The following PPP4R3A variants were observed in gnomAD, a reference collection of about 807,000 sequenced individuals.
PPP4R3A encodes protein phosphatase 4 regulatory subunit 3A, also known as serine/threonine-protein phosphatase 4 regulatory subunit 3A.
A neutral mutation model predicts 91.7 loss-of-function variants in PPP4R3A; 15 were observed. The ratio of observed to expected loss-of-function variants is 0.16; its 90% CI spans 0.11 to 0.25. The LOEUF (loss-of-function observed/expected upper bound fraction) is 0.25. Ranked by LOEUF, PPP4R3A falls within the 10% of genes least tolerant of loss-of-function variation. The pLI is 1.00. For synonymous variants in PPP4R3A, 377 were observed against 348.7 expected, an observed-to-expected ratio of 1.08 and a Z score of -0.91; for missense variants, 623 against 998.4, an observed-to-expected ratio of 0.62 and a Z score of 5.07.
rs543346950 is a variant in PPP4R3A, at chr14:91,479,388, G to A, written c.915+2188C>T. On this transcript the variant is annotated intron_variant, in intron 4 of 14. Coordinates refer to ENST00000554943, the MANE Select transcript of PPP4R3A (RefSeq NM_001366432.2). ...CACAAACTTATTTTTTTGTTGTTGA[G>A]ATAGGGTCTCACTCTGTTGCTCAGG... 5.3e-5 allele frequency among the ~76,000 whole-genome samples: 8 copies of A among 150,838 alleles called. 1 individual carries two copies. Among genetic ancestry groups the A allele is most frequent in the African/African-American group, 1.2e-4 (5 of 40,946 alleles).
rs145292085 is a variant in PPP4R3A, at chr14:91,479,512, C to T, written c.915+2064G>A. Among the ~76,000 whole-genome samples, 514 of 151,030 alleles carry T rather than the reference C, an allele frequency of 3.4e-3. 5 individuals are homozygous for T. Among genetic ancestry groups the T allele is most frequent in the African/African-American group, 0.011 (468 of 41,058 alleles). ...CCTCCCACATGGCTGGGATTATAGGCATGCATCACCATACCTGGCTAATTT... is the reference window on the plus strand; with the variant it reads ...CCTCCCACATGGCTGGGATTATAGGTATGCATCACCATACCTGGCTAATTT... On this transcript the variant is annotated intron_variant, in intron 4 of 14. Transcript: ENST00000554943.
chr14:91,486,615 T>C (rs1013389524), intron 2 of PPP4R3A, among the ~76,000 whole-genome samples: 2 of 152,204 alleles, frequency 1.3e-5, no homozygotes, highest in Admixed American at 6.5e-5. Context: ...TTCTACAATA[T>C]GCATGGTATA....
At chr14:91,505,967 C>T (rs1160547024) in intron 1 of PPP4R3A, among the ~76,000 whole-genome samples, 1 of 149,302 alleles carries the variant, frequency 6.7e-6, no homozygotes, top group African/African-American at 2.5e-5. Context: ...TTTTTTGAGA[C>T]GGAGTCTCGC....
intron 1 of PPP4R3A, among the ~76,000 whole-genome samples, chr14:91,493,054 T>C (rs1890318227): frequency 6.6e-6 from 1 of 151,786 alleles, no homozygotes; most frequent in Non-Finnish European, 1.5e-5. Context: ...AGCAGGACCT[T>C]GCCTCTGCAA....
At chr14:91,469,024 T>C (rs1888669662) in intron 10 of PPP4R3A, among the ~76,000 whole-genome samples, 1 of 150,212 alleles carries the variant, frequency 6.7e-6, no homozygotes, top group Non-Finnish European at 1.5e-5. Flanking sequence ...AGATATAAGA[T>C]AGTAATCAAA....
rs532142435 is a variant in PPP4R3A at position 91,457,757 on chromosome 14, A to G, written c.*1002T>C. The G allele has an allele frequency of 1.3e-5, 2 of 152,770 alleles. No homozygotes were observed. The highest frequency in any genetic ancestry group is 1.3e-4 in the Admixed American group (2 of 15,308). 9.5% of individuals were successfully genotyped at this position (152,770 alleles called of 1,614,324 possible). A position where few individuals can be genotyped will look rare whatever the true frequency, so the allele number is the denominator to read the frequency against. On this transcript the variant is annotated 3_prime_UTR_variant, in exon 15 of 15. Transcript: ENST00000554943. Reference sequence around the variant, plus strand: ...TGGAATACTAATTTCATGTTTCTAGATTTAACAAAACTGTTGAAGTTTTAA... The same window carrying G: ...TGGAATACTAATTTCATGTTTCTAGGTTTAACAAAACTGTTGAAGTTTTAA...
In PPP4R3A at chr14:91,460,234, G is replaced by A. The variant is rs375317752; in HGVS notation, c.2391+1147C>T. ...TCACCGTATTAGCCAGGATGGTCTC[G>A]GATCTCCTGACCTCGTGACCCACCC... On this transcript the variant is annotated intron_variant, in intron 14 of 14. Transcript: ENST00000554943. Among the ~76,000 whole-genome samples, 37 of 152,046 alleles carry A rather than the reference G, an allele frequency of 2.4e-4. 1 individual carries two copies. The highest frequency in any genetic ancestry group is 1.2e-3 in the South Asian group (6 of 4,818).
intron 1 of PPP4R3A, among the ~76,000 whole-genome samples, chr14:91,497,341 TACACACACAC>T (rs10542688): frequency 0.47 from 69,176 of 148,352 alleles, 16,185 homozygotes; most frequent in Admixed American, 0.5. Context: ...ATCTTTTATT[TACACACACAC>T]ACACACACAC....
chr14:91,464,478 C>T (rs914810633), intron 11 of PPP4R3A, among the ~76,000 whole-genome samples: 5 of 152,064 alleles, frequency 3.3e-5, no homozygotes, highest in Admixed American at 6.5e-5. Context: ...TAAAAAAGCA[C>T]GACATCCAGG....
chr14:91,485,143 A>C (rs904865789), intron 3 of PPP4R3A, among the ~76,000 whole-genome samples: 6 of 152,032 alleles, frequency 3.9e-5, no homozygotes, highest in Admixed American at 2.0e-4. Context: ...AAGATCAGTC[A>C]AGACAAAACC....
intron 1 of PPP4R3A, among the ~76,000 whole-genome samples, chr14:91,498,417 C>A (rs145653747): frequency 3.4e-4 from 51 of 151,966 alleles, no homozygotes; most frequent in Middle Eastern, 3.4e-3. Context: ...TGTTAACATG[C>A]TAAGTTAGAA....
At chr14:91,477,878 G>A (rs1315231254) in intron 4 of PPP4R3A, among the ~76,000 whole-genome samples, 2 of 152,170 alleles carry the variant, frequency 1.3e-5, no homozygotes, top group Admixed American at 6.5e-5. Flanking sequence ...TGAACTCGTG[G>A]CCTCAAGCAA....
In PPP4R3A at chr14:91,509,767, C is replaced by A. The variant is rs1891667290; in HGVS notation, c.-120G>T. On this transcript the variant is annotated 5_prime_UTR_variant, in exon 1 of 15. Transcript: ENST00000554943. ...AGCGGAGGGCTCCCCGGCCTCACTGCCGCCGCTGGGCGCCGCGGGGCCGCG... is the reference window on the plus strand; with the variant it reads ...AGCGGAGGGCTCCCCGGCCTCACTGACGCCGCTGGGCGCCGCGGGGCCGCG... 2 of 1,296,450 alleles carry A rather than the reference C, an allele frequency of 1.5e-6. No individual in the cohort carries two copies. Among genetic ancestry groups the A allele is most frequent in the African/African-American group, 3.1e-5 (2 of 63,708 alleles). The allele number at this position is 1,296,450 out of a possible 1,614,324, so 80.3% of individuals were successfully genotyped here.
At chr14:91,465,652 C>T (rs1187235409) in intron 10 of PPP4R3A, among the ~76,000 whole-genome samples, 2 of 152,030 alleles carry the variant, frequency 1.3e-5, no homozygotes, top group Admixed American at 6.6e-5. Flanking sequence ...TCTTAGAAAG[C>T]CAGAAAAATC....
chr14:91,462,608 A>C (rs181487206), intron 12 of PPP4R3A, 127 bp downstream of exon 12: 2 of 1,057,546 alleles, frequency 1.9e-6, no homozygotes. Context: ...ACAGGAAGCT[A>C]CAATTTCTAT....
rs1891712550 is a variant in PPP4R3A at position 91,510,214 on chromosome 14, G to C, written c.-567C>G. 6.5e-6 allele frequency: 1 copy of C among 152,950 alleles called. No individual in the cohort carries two copies. Among genetic ancestry groups the C allele is most frequent in the African/African-American group, 2.4e-5 (1 of 41,562 alleles). 9.5% of individuals were successfully genotyped at this position (152,950 alleles called of 1,614,324 possible). ...GGCCCCCGGCCGCCCAAGCGACCCGGACTAGTGGAAGTCGGTTTCCCTCCG... is the reference window on the plus strand; with the variant it reads ...GGCCCCCGGCCGCCCAAGCGACCCGCACTAGTGGAAGTCGGTTTCCCTCCG... On this transcript the variant is annotated 5_prime_UTR_variant, in exon 1 of 15. Coordinates refer to ENST00000554943, the MANE Select transcript of PPP4R3A (RefSeq NM_001366432.2).
chr14:91,509,398 A>T, intron 1 of PPP4R3A, 108 bp downstream of exon 1: 3 of 1,473,850 alleles, frequency 2.0e-6, no homozygotes, highest in Non-Finnish European at 2.7e-6. Flanking sequence ...CGCCCTCCCC[A>T]GCCGTCCCTC....
chr14:91,486,397 A>G (rs1192507281), intron 2 of PPP4R3A, among the ~76,000 whole-genome samples: 2 of 150,952 alleles, frequency 1.3e-5, no homozygotes, highest in African/African-American at 4.9e-5. Context: ...CTGGTCTTGA[A>G]CTCCTGGCCT....
At chr14:91,477,523 T>C (rs1172410609) in intron 4 of PPP4R3A, among the ~76,000 whole-genome samples, 1 of 152,240 alleles carries the variant, frequency 6.6e-6, no homozygotes, top group Non-Finnish European at 1.5e-5. Context: ...CTTTTTGTTT[T>C]ACTTCCTCAT....
Sources: gnomAD v4.1 joint callset for allele counts (sites outside exome capture counted in the v4.1 genomes callset) on GRCh38, gnomAD v4.1.1 for gene constraint, MANE v1.5 for transcripts, NCBI Gene and HGNC (gene_info 2026-07-23, HGNC 2026-07-21) for gene names.